Variants in CLRN1 observed in about 807,000 individuals in gnomAD.
CLRN1 encodes clarin-1.
In CLRN1, 15 loss-of-function variants were observed where a neutral mutation model predicts 18.7. The observed-to-expected ratio is 0.80, with a 90% CI of 0.54 to 1.23. The LOEUF (loss-of-function observed/expected upper bound fraction) is 1.23, where lower values mean the gene tolerates loss of function less well. CLRN1 is among the 50% of genes most tolerant of loss of function. The pLI is 0.00. For missense variants in CLRN1, 311 were observed against 277.5 expected (o/e 1.12, Z -0.86); for synonymous variants, 104 against 102.9 (o/e 1.01, Z -0.07).
chr3:150,945,656 T>G, intron 1 of CLRN1: 2 of 1,281,622 alleles, frequency 1.6e-6, no homozygotes, highest in Non-Finnish European at 2.0e-6. Context: ...CTGCTGATGT[T>G]TAGTTGTACT....
chr3:150,963,725 C>T (rs1299226014), intron 1 of CLRN1, among the ~76,000 whole-genome samples: 1 of 152,082 alleles, frequency 6.6e-6, no homozygotes, highest in Admixed American at 6.6e-5. Flanking sequence ...ATACAGAGAC[C>T]AATGAAACAG....
At chr3:150,948,692 G>A (rs1007585435) in intron 1 of CLRN1, among the ~76,000 whole-genome samples, 13 of 151,794 alleles carry the variant, frequency 8.6e-5, no homozygotes, top group African/African-American at 1.2e-4. Flanking sequence ...AATCATTATC[G>A]GTCTATTTAG....
In CLRN1 at chr3:150,927,615, T is replaced by G; in HGVS notation, c.*321A>C. ...ATTCCATGTGCCTTTGATATCTTTT[T>G]GATAGGAAGACATCTTACACACACA... is the stretch of plus-strand genomic sequence containing the variant. On this transcript the variant is annotated 3_prime_UTR_variant, in exon 3 of 3. Coordinates refer to ENST00000327047, the MANE Select transcript of CLRN1 (RefSeq NM_174878.3). 1 of 500,494 alleles carries G rather than the reference T, an allele frequency of 2.0e-6. No homozygotes were observed. The highest frequency in any genetic ancestry group is 1.6e-5 in the South Asian group (1 of 64,266). 31.0% of individuals were successfully genotyped at this position (500,494 alleles called of 1,614,324 possible). A position where few individuals can be genotyped will look rare whatever the true frequency, so the allele number is the denominator to read the frequency against.
In CLRN1 at chr3:150,944,083, G is replaced by A. The variant is rs538070115; in HGVS notation, c.254-2322C>T. ...GATTTTGAGTGATCTCTGAGTGGAT[G>A]GGCATGGTCAGGAAAGTGAAACGAG... On this transcript the variant is annotated intron_variant, in intron 1 of 2. Coordinates refer to ENST00000327047, the MANE Select transcript of CLRN1 (RefSeq NM_174878.3). The A allele has an allele frequency of 3.9e-5, 25 of 635,082 alleles. No homozygotes were observed. In the East Asian group the frequency reaches 6.2e-4, roughly 16 times the overall value. 39.3% of individuals were successfully genotyped at this position (635,082 alleles called of 1,614,324 possible).
chr3:150,972,345 G>A (rs1298098474), intron 1 of CLRN1, 111 bp downstream of exon 1: 4 of 1,393,308 alleles, frequency 2.9e-6, no homozygotes, highest in Admixed American at 3.7e-5. Context: ...GGTTCACACC[G>A]ATTTAAAAAG....
At chr3:150,929,391 C>A (rs985388578) in intron 2 of CLRN1, among the ~76,000 whole-genome samples, 1 of 152,156 alleles carries the variant, frequency 6.6e-6, no homozygotes, top group Admixed American at 6.5e-5. Flanking sequence ...GACTCTACAG[C>A]GCTTCCACAG....
rs1337878046 is a variant in CLRN1, at chr3:150,935,130, T to TA, written c.433+6451_433+6452insT. On this transcript the variant is annotated intron_variant, in intron 2 of 2. Transcript: ENST00000327047. ...GAATTGGTCCTACATCAATTTTTGTTTTTTTATTTTATTTTATTTTATTAT... is the reference window on the plus strand; with the variant it reads ...GAATTGGTCCTACATCAATTTTTGTTATTTTTATTTTATTTTATTTTATTAT... 8.0e-4 allele frequency among the ~76,000 whole-genome samples: 57 copies of TA among 71,240 alleles called. 1 individual carries two copies. In the South Asian group the frequency reaches 0.032, roughly 40 times the overall value. 46.7% of individuals were successfully genotyped at this position (71,240 alleles called of 152,430 possible). A position where few individuals can be genotyped will look rare whatever the true frequency, so the allele number is the denominator to read the frequency against.
chr3:150,931,135 G>T (rs1037442770), intron 2 of CLRN1, among the ~76,000 whole-genome samples: 3 of 152,180 alleles, frequency 2.0e-5, no homozygotes, highest in African/African-American at 4.8e-5. Flanking sequence ...GTATATTTTT[G>T]CTTCTCTCTG....
Position 150,972,548 on chromosome 3 carries a change from A to G in CLRN1, c.161T>C (p.Leu54Pro), listed in dbSNP as rs762073106. ...ALLVNASGQE[L>P]DKFMGEMQYG... is the part of the protein sequence containing the mutation. Reference sequence around the variant, plus strand: ...CTGCATTTCACCCATAAACTTGTCCAGCTCCTGCCCTGAGGCATTGACGAG... The same window carrying G: ...CTGCATTTCACCCATAAACTTGTCCGGCTCCTGCCCTGAGGCATTGACGAG... Residue 54 changes from leucine to proline, a missense_variant, in exon 1 of 3, where the codon CTG (leucine) becomes CCG (proline). Leu to Pro is a moderately conservative substitution (Grantham distance 98, BLOSUM62 -3). Coordinates refer to ENST00000327047, the MANE Select transcript of CLRN1 (RefSeq NM_174878.3). 5 of 1,614,214 alleles carry G rather than the reference A, an allele frequency of 3.1e-6. No individual in the cohort carries two copies. Among genetic ancestry groups the G allele is most frequent in the Non-Finnish European group, 4.2e-6 (5 of 1,180,014 alleles).
intron 1 of CLRN1, chr3:150,942,585 G>A (rs1331919221): frequency 2.2e-6 from 1 of 455,292 alleles, no homozygotes; most frequent in South Asian, 1.6e-5. Flanking sequence ...GGTGTTGGAA[G>A]TAGAGCCATA....
intron 1 of CLRN1, among the ~76,000 whole-genome samples, chr3:150,970,654 T>C (rs1232820478): frequency 1.3e-5 from 2 of 152,174 alleles, no homozygotes; most frequent in African/African-American, 4.8e-5. Context: ...CACTGCAGAA[T>C]GAACAAGTAA....
rs1453828746 is a variant in CLRN1 at position 150,928,081 on chromosome 3, T to C, written c.554A>G (p.Tyr185Cys). 5 of 1,613,768 alleles carry C rather than the reference T, an allele frequency of 3.1e-6. No individual in the cohort carries two copies. The highest frequency in any genetic ancestry group is 3.3e-5 in the Admixed American group (2 of 59,922). ...GAAAATGACCCAGAATGAGGTGGTA[T>C]ATTTTTCACTTTGCGTTTTGTAGAC... is the stretch of plus-strand genomic sequence containing the variant. ...TYVYKTQSEK[Y>C]TTSFWVIFFC... Residue 185 changes from tyrosine to cysteine, a missense_variant, in exon 3 of 3, where the codon TAT becomes TGT. Physicochemically the swap from Tyr to Cys is radical, Grantham distance 194. Transcript: ENST00000327047.
At chr3:150,928,306 T>C (rs907008235) in intron 2 of CLRN1, 105 bp from the exon 3 acceptor site, 5 of 1,379,908 alleles carry the variant, frequency 3.6e-6, no homozygotes, top group East Asian at 2.4e-5. Flanking sequence ...ATCATCCCCA[T>C]TGACATTATC....
At chr3:150,946,061 T>C (rs1173893950) in intron 1 of CLRN1, among the ~76,000 whole-genome samples, 2 of 152,168 alleles carry the variant, frequency 1.3e-5, no homozygotes, top group Non-Finnish European at 1.5e-5. Context: ...AGTCAATGAT[T>C]ACAAAGAATG....
At chr3:150,934,525 A>T (rs928162571) in intron 2 of CLRN1, among the ~76,000 whole-genome samples, 1 of 152,200 alleles carries the variant, frequency 6.6e-6, no homozygotes, top group African/African-American at 2.4e-5. Context: ...ATCACCTCCA[A>T]AAGGCCTGAA....
At chr3:150,942,986 C>T (rs979887737) in intron 1 of CLRN1, among the ~76,000 whole-genome samples, 1 of 152,176 alleles carries the variant, frequency 6.6e-6, no homozygotes, top group East Asian at 1.9e-4. Context: ...GCACCAGACA[C>T]ACAAGGGAAG....
chr3:150,960,536 G>A (rs1714973497), intron 1 of CLRN1, among the ~76,000 whole-genome samples: 1 of 152,086 alleles, frequency 6.6e-6, no homozygotes, highest in Non-Finnish European at 1.5e-5. Context: ...AACTAATGCA[G>A]GAACTTTGGA....
chr3:150,969,622 G>A (rs570580196), intron 1 of CLRN1, among the ~76,000 whole-genome samples: 44 of 152,024 alleles, frequency 2.9e-4, no homozygotes, highest in African/African-American at 9.9e-4. Flanking sequence ...CACTGCACCC[G>A]GCCTGCTTAT....
intron 2 of CLRN1, among the ~76,000 whole-genome samples, chr3:150,936,968 C>A (rs1713529593): frequency 6.6e-6 from 1 of 152,176 alleles, no homozygotes; most frequent in Non-Finnish European, 1.5e-5. Context: ...TCTTCCCTGA[C>A]CACCATCTCA....
Sources: allele counts gnomAD v4.1 joint callset (sites outside exome capture counted in the v4.1 genomes callset), GRCh38; gene constraint gnomAD v4.1.1; transcripts MANE v1.5; gene names NCBI Gene and HGNC (gene_info 2026-07-23, HGNC 2026-07-21).